The following PAIP2 variants were observed in gnomAD, a reference collection of about 807,000 sequenced individuals.
PAIP2 encodes poly(A) binding protein interacting protein 2.
A neutral mutation model predicts 14.8 loss-of-function variants in PAIP2; 7 were observed. That is an observed-to-expected ratio of 0.47 (90% CI 0.27 to 0.89). PAIP2 has a LOEUF of 0.89. Ranked by LOEUF, PAIP2 falls within the 40% of genes least tolerant of loss-of-function variation. PAIP2 has a pLI of 0.13. For synonymous variants in PAIP2, 47 were observed against 45.3 expected (o/e 1.04, Z -0.15); for missense variants, 122 against 154.7 (o/e 0.79, Z 1.12).
intron 3 of PAIP2, among the ~76,000 whole-genome samples, chr5:139,368,110 C>T (rs556478544): frequency 1.2e-3 from 189 of 152,096 alleles, no homozygotes; most frequent in African/African-American, 4.0e-3. Flanking sequence ...CCAAGGCGGG[C>T]GGATCACGAG....
At chr5:139,364,842 C>A in intron 3 of PAIP2, 99 bp downstream of exon 3, 1 of 797,914 alleles carries the variant, frequency 1.3e-6, no homozygotes, top group East Asian at 2.6e-5. Context: ...TCTCTTTCCC[C>A]TTCAGAAATT....
intron 3 of PAIP2, among the ~76,000 whole-genome samples, chr5:139,366,186 G>C (rs1757238672): frequency 7.7e-6 from 1 of 129,978 alleles, no homozygotes; most frequent in Non-Finnish European, 1.6e-5. Flanking sequence ...CTGGGCGACA[G>C]AGTGAGACTC....
intron 1 of PAIP2, among the ~76,000 whole-genome samples, chr5:139,355,270 A>G (rs533905406): frequency 3.3e-4 from 50 of 151,006 alleles, no homozygotes; most frequent in Non-Finnish European, 6.8e-4. Context: ...CTTGGGTTCA[A>G]GTGATTCTCC....
intron 1 of PAIP2, among the ~76,000 whole-genome samples, chr5:139,357,793 T>C (rs1344341533): frequency 6.6e-6 from 1 of 152,192 alleles, no homozygotes; most frequent in Non-Finnish European, 1.5e-5. Flanking sequence ...ATTACGCGAC[T>C]ACACTCCAGC....
At chr5:139,354,818 G>T (rs1203837192) in intron 1 of PAIP2, among the ~76,000 whole-genome samples, 10 of 146,760 alleles carry the variant, frequency 6.8e-5, no homozygotes, top group Admixed American at 4.8e-4. Flanking sequence ...CATTTCAGTT[G>T]TACCTTTTTT....
chr5:139,343,438 G>T (rs971643418), intron 1 of PAIP2: 17 of 152,268 alleles, frequency 1.1e-4, no homozygotes, highest in Admixed American at 3.3e-4. Context: ...TGGTCAGAAT[G>T]AGTTTATAGC....
intron 3 of PAIP2, chr5:139,365,180 AATAG>A (rs1192186258): frequency 1.4e-5 from 2 of 141,806 alleles, no homozygotes; most frequent in East Asian, 4.1e-4. Flanking sequence ...TAAATAAATA[AATAG>A]AATAAAAAAT....
intron 3 of PAIP2, chr5:139,364,946 A>G: frequency 2.7e-6 from 1 of 370,562 alleles, no homozygotes; most frequent in East Asian, 4.7e-5. Context: ...GGAGTTTGAG[A>G]CCAGCCTGAC....
In PAIP2 at chr5:139,364,763, CT is replaced by C. The variant is rs1326166406; in HGVS notation, c.318+25del. 4 of 1,537,962 alleles carry C rather than the reference CT, an allele frequency of 2.6e-6. No homozygotes were observed. The highest frequency in any genetic ancestry group is 3.6e-6 in the Non-Finnish European group (4 of 1,119,740). Reference sequence around the variant, plus strand: ...CTTGTGGTAAAAAGTTATTTTTCATCTTTTTAAAACCTAGTGCATCTTTTGC... The same window carrying C: ...CTTGTGGTAAAAAGTTATTTTTCATCTTTTAAAACCTAGTGCATCTTTTGC... On this transcript the variant is annotated intron_variant, in intron 3 of 3. Transcript: ENST00000265192.
intron 1 of PAIP2, among the ~76,000 whole-genome samples, chr5:139,349,625 A>G (rs532913824): frequency 6.6e-6 from 1 of 152,240 alleles, no homozygotes; most frequent in Non-Finnish European, 1.5e-5. Flanking sequence ...GAAAAGAAAT[A>G]GTTAATAGAA....
chr5:139,365,319 G>A (rs563461356), intron 3 of PAIP2, among the ~76,000 whole-genome samples: 2 of 151,686 alleles, frequency 1.3e-5, no homozygotes, highest in South Asian at 2.1e-4. Flanking sequence ...AACCCCATCT[G>A]TACTAAAATT....
intron 1 of PAIP2, among the ~76,000 whole-genome samples, chr5:139,350,646 T>A (rs1256874964): frequency 1.3e-5 from 2 of 149,134 alleles, no homozygotes; most frequent in African/African-American, 2.5e-5. Context: ...AATAAATAAA[T>A]AAATAAATAA....
chr5:139,359,493 A>C (rs533293174), intron 1 of PAIP2, among the ~76,000 whole-genome samples: 1 of 152,224 alleles, frequency 6.6e-6, no homozygotes, highest in East Asian at 1.9e-4. Flanking sequence ...TTGGGAAAAT[A>C]ATGAAAACCT....
intron 1 of PAIP2, among the ~76,000 whole-genome samples, chr5:139,357,598 T>A (rs1756952311): frequency 6.6e-6 from 1 of 152,104 alleles, no homozygotes. Context: ...TCTGGGAGGC[T>A]GAAGCGGGCG....
chr5:139,364,812 A>G, intron 3 of PAIP2, 69 bp downstream of exon 3: 1 of 1,040,564 alleles, frequency 9.6e-7, no homozygotes, highest in East Asian at 2.4e-5. Flanking sequence ...GCCAGCTCCC[A>G]TCTATTTAAG....
intron 1 of PAIP2, among the ~76,000 whole-genome samples, chr5:139,344,839 C>T (rs2152043343): frequency 6.6e-6 from 1 of 152,172 alleles, no homozygotes; most frequent in Non-Finnish European, 1.5e-5. Context: ...TACCTTGTCC[C>T]TTGGTCTAGA....
At chr5:139,342,947 C>T (rs1023262272) in intron 1 of PAIP2, 1 of 152,114 alleles carries the variant, frequency 6.6e-6, no homozygotes, top group Non-Finnish European at 1.5e-5. Context: ...CAGCCTTTGA[C>T]GTTTATTTCA....
intron 1 of PAIP2, among the ~76,000 whole-genome samples, chr5:139,348,483 T>C (rs772238907): frequency 4.0e-5 from 6 of 151,708 alleles, no homozygotes; most frequent in Non-Finnish European, 8.8e-5. Flanking sequence ...GCCTCCTGAG[T>C]AGCTGGGACT....
intron 1 of PAIP2, among the ~76,000 whole-genome samples, chr5:139,355,702 C>T (rs549287947): frequency 7.5e-4 from 113 of 151,506 alleles, no homozygotes; most frequent in African/African-American, 2.6e-3. Context: ...TAAAATAATA[C>T]AAAAATTAAT....
Sources: gnomAD v4.1 joint callset for allele counts (sites outside exome capture counted in the v4.1 genomes callset) on GRCh38, gnomAD v4.1.1 for gene constraint, MANE v1.5 for transcripts, NCBI Gene and HGNC (gene_info 2026-07-23, HGNC 2026-07-21) for gene names.